COMMD2: variants seen among roughly 807,000 people sequenced by gnomAD.
The protein encoded by COMMD2 is COMM domain containing 2, also known as COMM domain-containing protein 2.
In COMMD2, 25 loss-of-function variants were observed where a neutral mutation model predicts 22.5. That is an observed-to-expected ratio of 1.11 (90% CI 0.81 to 1.55). The LOEUF (loss-of-function observed/expected upper bound fraction) is 1.55. Among genes scored for constraint, COMMD2 ranks in the 40% most tolerant of loss-of-function variants. The probability of loss-of-function intolerance (pLI) is 0.00; values close to 1 mark genes in which losing one functional copy is unlikely to be tolerated. For missense variants in COMMD2, 223 were observed against 232.9 expected (o/e 0.96, Z 0.28); for synonymous variants, 98 against 91.2 (o/e 1.07, Z -0.42).
chr3:149,741,255 A>T lies in COMMD2; in HGVS notation c.*266T>A, dbSNP rs1474456993. 2.9e-6 allele frequency: 1 copy of T among 339,004 alleles called. No homozygotes were observed. The highest frequency in any genetic ancestry group is 5.6e-6 in the Non-Finnish European group (1 of 178,296). 21.0% of individuals were successfully genotyped at this position (339,004 alleles called of 1,614,324 possible). A position where few individuals can be genotyped will look rare whatever the true frequency, so the allele number is the denominator to read the frequency against. The stretch of plus-strand genomic sequence containing the variant: ...CTAATTTTTTATATTTTTAGTAGAG[A>T]TGGGGTTTCACCATGTTAGCCAGGA... On this transcript the variant is annotated 3_prime_UTR_variant, in exon 5 of 5. Coordinates refer to ENST00000473414, the MANE Select transcript of COMMD2 (RefSeq NM_016094.4).
intron 4 of COMMD2, among the ~76,000 whole-genome samples, chr3:149,747,762 C>T (rs1334639209): frequency 6.6e-6 from 1 of 151,870 alleles, no homozygotes; most frequent in Non-Finnish European, 1.5e-5. Flanking sequence ...CGTGGTGAAA[C>T]CCTGTCTCTA....
intron 4 of COMMD2, among the ~76,000 whole-genome samples, chr3:149,748,422 G>C (rs1716435931): frequency 6.6e-6 from 1 of 152,174 alleles, no homozygotes; most frequent in South Asian, 2.1e-4. Context: ...TGCTATCCCA[G>C]TGTTTACAGT....
chr3:149,746,796 T>TGAAA (rs1209446520), intron 4 of COMMD2, among the ~76,000 whole-genome samples: 1 of 151,654 alleles, frequency 6.6e-6, no homozygotes, highest in East Asian at 1.9e-4. Flanking sequence ...AATAAAAAAA[T>TGAAA]GAAAGAAAGA....
rs551496239 is a variant in COMMD2, at chr3:149,752,478, G to A, written c.-34C>T. 8 of 1,589,112 alleles carry A rather than the reference G, an allele frequency of 5.0e-6. No individual in the cohort carries two copies. In the East Asian group the frequency reaches 9.0e-5, roughly 18 times the overall value. On this transcript the variant is annotated 5_prime_UTR_variant, in exon 1 of 5. Coordinates refer to ENST00000473414, the MANE Select transcript of COMMD2 (RefSeq NM_016094.4). ...TCCTACGATTTCACCCGGCAGCGCC[G>A]ACCCCGCCTTCGCCACTTCCGGCGC...
chr3:149,747,437 C>A (rs1259354279), intron 4 of COMMD2, among the ~76,000 whole-genome samples: 1 of 152,128 alleles, frequency 6.6e-6, no homozygotes, highest in African/African-American at 2.4e-5. Flanking sequence ...GAAGTTATTT[C>A]CCAGAAGGCA....
intron 4 of COMMD2, among the ~76,000 whole-genome samples, chr3:149,745,792 T>C (rs1406052266): frequency 6.6e-6 from 1 of 152,248 alleles, no homozygotes; most frequent in African/African-American, 2.4e-5. Context: ...GAAGATACAG[T>C]AAGACAGGTA....
intron 4 of COMMD2, among the ~76,000 whole-genome samples, chr3:149,747,135 G>A (rs1486636816): frequency 6.6e-6 from 1 of 152,198 alleles, no homozygotes; most frequent in East Asian, 1.9e-4. Flanking sequence ...GGAACATATT[G>A]CCTTTGAATG....
At position 149,738,709 on chromosome 3, in the gene COMMD2, T is replaced by G. The variant is rs1716126284; in HGVS notation, c.*2812A>C. 1 of 152,148 alleles carries G rather than the reference T, an allele frequency of 6.6e-6. No individual in the cohort carries two copies. Among genetic ancestry groups the G allele is most frequent in the Non-Finnish European group, 1.5e-5 (1 of 67,980 alleles). The allele number at this position is 152,148 out of a possible 1,614,324, so 9.4% of individuals were successfully genotyped here. A position where few individuals can be genotyped will look rare whatever the true frequency, so the allele number is the denominator to read the frequency against. The stretch of plus-strand genomic sequence containing the variant: ...CTCCGAAGACTTATCTCTTAACCAC[T>G]TCATAAGATTAAAACGCTGAAGGGG... On this transcript the variant is annotated 3_prime_UTR_variant, in exon 5 of 5. Coordinates refer to ENST00000473414, the MANE Select transcript of COMMD2 (RefSeq NM_016094.4).
At chr3:149,751,139 T>A (rs1462069892) in intron 3 of COMMD2, among the ~76,000 whole-genome samples, 3 of 152,202 alleles carry the variant, frequency 2.0e-5, no homozygotes. Context: ...CTCCCTCCTC[T>A]TATGTATCTT....
At chr3:149,751,262 A>T in intron 3 of COMMD2, 141 bp downstream of exon 3, 3 of 1,300,208 alleles carry the variant, frequency 2.3e-6, no homozygotes, top group Non-Finnish European at 3.1e-6. Context: ...TTTATTTTTT[A>T]GGTATGTCTT....
rs750078176 is a variant in COMMD2, at chr3:149,750,744, C to A, written c.336G>T (p.Thr112=). 4 of 1,606,956 alleles carry A rather than the reference C, an allele frequency of 2.5e-6. No homozygotes were observed. The highest frequency in any genetic ancestry group is 3.4e-6 in the Non-Finnish European group (4 of 1,175,728). Residue 112 remains threonine (T), a synonymous_variant, in exon 4 of 5, where the codon ACG becomes ACT. Coordinates refer to ENST00000473414, the MANE Select transcript of COMMD2 (RefSeq NM_016094.4). The part of the protein sequence containing the change: ...LYLDNRKEIR[T]ILSELAPSLP... ...GGCTTGGTGCCAATTCACTCAGAAT[C>A]GTTCTGATCTCTTTTCTGTTGTCCA...
At chr3:149,747,712 G>A (rs1716417942) in intron 4 of COMMD2, among the ~76,000 whole-genome samples, 1 of 152,126 alleles carries the variant, frequency 6.6e-6, no homozygotes, top group Admixed American at 6.5e-5. Context: ...TGAGGCAGGT[G>A]GATCACTTCA....
intron 3 of COMMD2, chr3:149,751,189 A>G: frequency 1.6e-6 from 1 of 623,800 alleles, no homozygotes. Context: ...GCAGAATTAG[A>G]GGTACTTCTA....
chr3:149,740,587 G>C lies in COMMD2; in HGVS notation c.*934C>G, dbSNP rs1716185346. ...ATGATCACTCAAACTTAGGCAATAT[G>C]ATACTTATCATCTTCATATACAAAG... On this transcript the variant is annotated 3_prime_UTR_variant, in exon 5 of 5. Transcript: ENST00000473414. The C allele has an allele frequency of 6.6e-6, 1 of 152,122 alleles. No homozygotes were observed. Among genetic ancestry groups the C allele is most frequent in the Admixed American group, 6.6e-5 (1 of 15,260 alleles). 9.4% of individuals were successfully genotyped at this position (152,122 alleles called of 1,614,324 possible).
intron 4 of COMMD2, among the ~76,000 whole-genome samples, chr3:149,742,337 G>C (rs767959131): frequency 1.3e-5 from 2 of 152,258 alleles, no homozygotes; most frequent in Admixed American, 1.3e-4. Flanking sequence ...ACCCACTCCT[G>C]GTAAGCGATG....
At chr3:149,747,350 T>G (rs1366425119) in intron 4 of COMMD2, among the ~76,000 whole-genome samples, 1 of 152,162 alleles carries the variant, frequency 6.6e-6, no homozygotes, top group East Asian at 1.9e-4. Context: ...GGCATCCCAA[T>G]GTTTAAAGGG....
At position 149,741,547 on chromosome 3, in the gene COMMD2, T is replaced by C. The variant is rs562299635; in HGVS notation, c.574A>G (p.Arg192Gly). ...ALEEMKTNHC[R>G]RVVRNIK The stretch of plus-strand genomic sequence containing the variant: ...TACTTGATGTTGCGAACAACTCTCC[T>C]ACAGTGATTTGTCTTCATCTCTTCC... Residue 192 changes from arginine to glycine, a missense_variant, in exon 5 of 5, where the codon AGG (arginine) becomes GGG (glycine). Coordinates refer to ENST00000473414, the MANE Select transcript of COMMD2 (RefSeq NM_016094.4). The C allele has an allele frequency of 6.2e-7, 1 of 1,614,078 alleles. No homozygotes were observed. Among genetic ancestry groups the C allele is most frequent in the South Asian group, 1.1e-5 (1 of 91,082 alleles).
Position 149,741,360 on chromosome 3 carries a change from C to A in COMMD2, c.*161G>T. The A allele has an allele frequency of 1.5e-6, 1 of 661,054 alleles. No homozygotes were observed. Among genetic ancestry groups the A allele is most frequent in the East Asian group, 2.9e-5 (1 of 34,850 alleles). The allele number at this position is 661,054 out of a possible 1,614,324, so 40.9% of individuals were successfully genotyped here. ...GGATAACTGGCATGAGCCACTGCAC[C>A]CAGCTTAGCTTCTGATTATGACCTC... is the stretch of plus-strand genomic sequence containing the variant. On this transcript the variant is annotated 3_prime_UTR_variant, in exon 5 of 5. Coordinates refer to ENST00000473414, the MANE Select transcript of COMMD2 (RefSeq NM_016094.4).
intron 3 of COMMD2, 34 bp downstream of exon 3, chr3:149,751,369 C>T: frequency 6.2e-7 from 1 of 1,613,830 alleles, no homozygotes; most frequent in Admixed American, 1.7e-5. Flanking sequence ...CTTAAGAATC[C>T]AGCCAACACA....
Sources: allele counts gnomAD v4.1 joint callset (sites outside exome capture counted in the v4.1 genomes callset), GRCh38; gene constraint gnomAD v4.1.1; transcripts MANE v1.5; gene names NCBI Gene and HGNC (gene_info 2026-07-23, HGNC 2026-07-21).